STIM2: variants seen among roughly 807,000 people sequenced by gnomAD.
The protein encoded by STIM2 is stromal interaction molecule 2.
In STIM2, 31 loss-of-function variants were observed where a neutral mutation model predicts 85.8. The observed-to-expected ratio is 0.36, with a 90% CI of 0.27 to 0.49. STIM2 has a LOEUF of 0.49. Ranked by LOEUF, STIM2 falls within the 20% of genes least tolerant of loss-of-function variation. The probability of loss-of-function intolerance (pLI) is 0.98; values close to 1 mark genes in which losing one functional copy is unlikely to be tolerated. For synonymous variants in STIM2, 356 were observed against 331.1 expected (o/e 1.08, Z -0.82); for missense variants, 841 against 927.6 (o/e 0.91, Z 1.21).
rs914560853 is a variant in STIM2, at chr4:27,025,077, C to T, written c.*2081C>T. ...GGCCAAAGAGACTGTGGGCTGTTTTCAGTCAGGGAGCATGTGCATTGTTTG... is the reference window on the plus strand; with the variant it reads ...GGCCAAAGAGACTGTGGGCTGTTTTTAGTCAGGGAGCATGTGCATTGTTTG... On this transcript the variant is annotated 3_prime_UTR_variant, in exon 12 of 12. Coordinates refer to ENST00000467087, the MANE Select transcript of STIM2 (RefSeq NM_020860.4). The T allele has an allele frequency of 2.6e-5, 4 of 152,168 alleles. No homozygotes were observed. Among genetic ancestry groups the T allele is most frequent in the African/African-American group, 9.7e-5 (4 of 41,422 alleles). 9.4% of individuals were successfully genotyped at this position (152,168 alleles called of 1,614,324 possible).
intron 1 of STIM2, among the ~76,000 whole-genome samples, chr4:26,900,447 AT>A (rs1197884039): frequency 2.0e-5 from 3 of 152,100 alleles, no homozygotes; most frequent in African/African-American, 4.8e-5. Context: ...TAATTATTGA[AT>A]TTTTTTCCCG....
rs539457055 is a variant in STIM2, at chr4:26,976,379, A to C, written c.397+18653A>C. Among the ~76,000 whole-genome samples, 708 of 126,018 alleles carry C rather than the reference A, an allele frequency of 5.6e-3. 4 individuals are homozygous for C. Among genetic ancestry groups the C allele is most frequent in the African/African-American group, 0.019 (686 of 35,640 alleles). 82.7% of individuals were successfully genotyped at this position (126,018 alleles called of 152,430 possible). A position where few individuals can be genotyped will look rare whatever the true frequency, so the allele number is the denominator to read the frequency against. On this transcript the variant is annotated intron_variant, in intron 3 of 11. Coordinates refer to ENST00000467087, the MANE Select transcript of STIM2 (RefSeq NM_020860.4). The stretch of plus-strand genomic sequence containing the variant: ...GCTGTTCCTATTCGGCCATCTTGGG[A>C]GTCTTTTTTTTTTTTTTTTTTTTAG...
At chr4:26,990,552 C>G (rs761321044) in intron 3 of STIM2, among the ~76,000 whole-genome samples, 7 of 151,972 alleles carry the variant, frequency 4.6e-5, no homozygotes, top group African/African-American at 7.2e-5. Context: ...GGGTTAAGAC[C>G]TGAAAAGCAT....
chr4:27,001,718 A>T (rs1728164093), intron 5 of STIM2, among the ~76,000 whole-genome samples: 1 of 152,202 alleles, frequency 6.6e-6, no homozygotes, highest in Non-Finnish European at 1.5e-5. Context: ...AGCCTTGAGA[A>T]CCACTGATTA....
At chr4:26,901,368 A>G (rs2109052371) in intron 1 of STIM2, among the ~76,000 whole-genome samples, 1 of 152,324 alleles carries the variant, frequency 6.6e-6, no homozygotes, top group Middle Eastern at 3.4e-3. Context: ...TGAGGATTCA[A>G]TAAACATATT....
At chr4:26,905,329 A>G (rs545658735) in intron 1 of STIM2, among the ~76,000 whole-genome samples, 3 of 152,304 alleles carry the variant, frequency 2.0e-5, no homozygotes, top group Admixed American at 1.3e-4. Context: ...GAGAAGGGCA[A>G]GGAAGTCGAG....
At chr4:26,963,304 G>C (rs1418930637) in intron 3 of STIM2, among the ~76,000 whole-genome samples, 1 of 152,002 alleles carries the variant, frequency 6.6e-6, no homozygotes, top group Non-Finnish European at 1.5e-5. Flanking sequence ...TTTCTTCTGG[G>C]TATGAAAGTA....
intron 7 of STIM2, among the ~76,000 whole-genome samples, chr4:27,006,011 C>T (rs1270955162): frequency 1.3e-5 from 2 of 152,160 alleles, no homozygotes; most frequent in African/African-American, 4.8e-5. Context: ...TGCAGGTCTG[C>T]ATGAACCTGA....
At chr4:26,912,839 C>T (rs1724393099) in intron 1 of STIM2, among the ~76,000 whole-genome samples, 2 of 152,146 alleles carry the variant, frequency 1.3e-5, no homozygotes, top group African/African-American at 4.8e-5. Context: ...GCTACTTCAC[C>T]TGTCTTTTGC....
chr4:26,975,047 C>T (rs1271178165), intron 3 of STIM2, among the ~76,000 whole-genome samples: 1 of 152,114 alleles, frequency 6.6e-6, no homozygotes, highest in African/African-American at 2.4e-5. Flanking sequence ...GAAGCTTGTG[C>T]ATGTGTCATG....
At chr4:26,999,621 T>C (rs982861776) in intron 5 of STIM2, among the ~76,000 whole-genome samples, 1 of 150,672 alleles carries the variant, frequency 6.6e-6, no homozygotes, top group Non-Finnish European at 1.5e-5. Flanking sequence ...TTTAAAACTT[T>C]GGATCTTTGG....
intron 10 of STIM2, among the ~76,000 whole-genome samples, chr4:27,014,063 T>A (rs1366170448): frequency 6.6e-6 from 1 of 152,124 alleles, no homozygotes; most frequent in East Asian, 1.9e-4. Flanking sequence ...CTCAGTTACA[T>A]CTTTAAATTT....
intron 1 of STIM2, among the ~76,000 whole-genome samples, chr4:26,915,970 A>G (rs1354826099): frequency 6.6e-6 from 1 of 152,200 alleles, no homozygotes; most frequent in Non-Finnish European, 1.5e-5. Flanking sequence ...CCACTGGGGC[A>G]TTTTGGGTAG....
chr4:26,958,178 A>G lies in STIM2; in HGVS notation c.397+452A>G, dbSNP rs934873816. ...AATAGGTGTATGATAAAATTGGATA[A>G]TTGGTATTTTATTCCCTTTCTACTG... On this transcript the variant is annotated intron_variant, in intron 3 of 11. Transcript: ENST00000467087. Among the ~76,000 whole-genome samples, 17 of 152,216 alleles carry G rather than the reference A, an allele frequency of 1.1e-4. No homozygotes were observed. The East Asian group carries it at 2.7e-3, about 24-fold the overall frequency.
At position 27,022,583 on chromosome 4, in the gene STIM2, C is replaced by T; in HGVS notation, c.1828C>T (p.Pro610Ser). 3 of 1,612,466 alleles carry T rather than the reference C, an allele frequency of 1.9e-6. No individual in the cohort carries two copies. Among genetic ancestry groups the T allele is most frequent in the Non-Finnish European group, 2.5e-6 (3 of 1,178,558 alleles). The change falls in exon 12 of 12, where the codon CCT (proline) becomes TCT (serine). Residue 610 changes from proline to serine, a missense_variant. This residue lies in a region of STIM2 where 293 missense variants were observed against 284.5 expected (regional missense o/e 1.03). Transcript: ENST00000467087. ...TTCTTCCATTGGAAGGAAACAGTCT[C>T]CTCCTTTAAGCCTCGAGATATACCA...
At chr4:26,894,237 G>A (rs1031275754) in intron 1 of STIM2, among the ~76,000 whole-genome samples, 2 of 151,902 alleles carry the variant, frequency 1.3e-5, no homozygotes, top group African/African-American at 2.4e-5. Context: ...TATCTCTTCC[G>A]AATTTTTGCC....
chr4:26,870,021 G>A (rs569977203), intron 1 of STIM2, among the ~76,000 whole-genome samples: 2 of 152,152 alleles, frequency 1.3e-5, no homozygotes, highest in African/African-American at 4.8e-5. Flanking sequence ...ATGGATGAAC[G>A]TGGAGGACAT....
chr4:26,866,168 T>G (rs1413282951), intron 1 of STIM2, among the ~76,000 whole-genome samples: 1 of 152,188 alleles, frequency 6.6e-6, no homozygotes, highest in Non-Finnish European at 1.5e-5. Context: ...TTTTCAACCC[T>G]TACCCCTCCT....
chr4:26,968,698 C>T (rs78259796), intron 3 of STIM2, among the ~76,000 whole-genome samples: 2 of 152,106 alleles, frequency 1.3e-5, no homozygotes, highest in African/African-American at 2.4e-5. Flanking sequence ...GGATATTTCA[C>T]CACAATGAAG....
Sources: allele counts gnomAD v4.1 joint callset (sites outside exome capture counted in the v4.1 genomes callset), GRCh38; gene constraint gnomAD v4.1.1; regional missense constraint gnomAD v4.1.1; transcripts MANE v1.5; gene names NCBI Gene and HGNC (gene_info 2026-07-23, HGNC 2026-07-21).